IL2RG: variants seen among roughly 807,000 people sequenced by gnomAD.
IL2RG encodes the protein cytokine receptor common subunit gamma.
For synonymous variants in IL2RG, 111 were observed against 108.5 expected, an observed-to-expected ratio of 1.02 and a Z score of -0.15; for missense variants, 205 against 272.9, an observed-to-expected ratio of 0.75 and a Z score of 1.75.
intron 4 of IL2RG, 106 bp downstream of exon 4, chrX:71,110,050 G>A (rs1438370933): frequency 6.8e-5 from 58 of 850,172 alleles, no homozygotes; most frequent in Non-Finnish European, 9.9e-5. Context: ...GAAGCTGGGA[G>A]GCAGAGAACA....
At position 71,107,516 on chromosome X, in the gene IL2RG, G is replaced by T. The variant is rs992588214; in HGVS notation, c.*220C>A. ...GGAGGGAGGAAGAATCCTGCGAAAA[G>T]GAAGGGCCAGACTGAGGGAGAAGAA... is the stretch of plus-strand genomic sequence containing the variant. On this transcript the variant is annotated 3_prime_UTR_variant, in exon 8 of 8. Transcript: ENST00000374202. 9 of 304,351 alleles carry T rather than the reference G, an allele frequency of 3.0e-5. No individual in the cohort carries two copies. Among genetic ancestry groups the T allele is most frequent in the Non-Finnish European group, 4.6e-5 (8 of 172,744 alleles). 25.1% of individuals were successfully genotyped at this position (304,351 alleles called of 1,213,427 possible). A position where few individuals can be genotyped will look rare whatever the true frequency, so the allele number is the denominator to read the frequency against.
Position 71,110,309 on chromosome X carries a change from T to A in IL2RG, c.455-14A>T. 3 of 1,209,044 alleles carry A rather than the reference T, an allele frequency of 2.5e-6. No homozygotes were observed. Among genetic ancestry groups the A allele is most frequent in the Non-Finnish European group, 3.4e-6 (3 of 893,279 alleles). On this transcript the variant is annotated splice_polypyrimidine_tract_variant and intron_variant, in intron 3 of 7. Coordinates refer to ENST00000374202, the MANE Select transcript of IL2RG (RefSeq NM_000206.3). ...CCCAGGGGATCACTGGAGATATGTG[T>A]GCATATGTGGTCATTCCCCTGGCCT...
chrX:71,109,929 C>CAAA (rs369142790), intron 4 of IL2RG, among the ~76,000 whole-genome samples: 43 of 47,819 alleles, frequency 9.0e-4, no homozygotes, highest in African/African-American at 2.2e-3. Context: ...GGCTCTGTCT[C>CAAA]AAAAAAAAAA....
intron 1 of IL2RG, 45 bp downstream of exon 1, chrX:71,111,380 A>G (rs1371529033): frequency 2.5e-6 from 3 of 1,198,998 alleles, no homozygotes; most frequent in Non-Finnish European, 3.4e-6. Flanking sequence ...GCCCCTTCCC[A>G]CAGCCACCCT....
chrX:71,108,511 T>A, intron 6 of IL2RG, 88 bp downstream of exon 6: 2 of 742,399 alleles, frequency 2.7e-6, no homozygotes, highest in Non-Finnish European at 4.1e-6. Context: ...TACTGTCTCA[T>A]CCTTTACTCC....
At chrX:71,108,368 G>A (rs1602288321) in intron 6 of IL2RG, 22 bp from the exon 7 acceptor site, 25 of 1,088,008 alleles carry the variant, frequency 2.3e-5, no homozygotes, top group East Asian at 1.8e-4. Flanking sequence ...GAAAGAGGGA[G>A]CAGGAGCACA....
chrX:71,110,141 T>C lies in IL2RG; in HGVS notation c.594+15A>G, dbSNP rs761545792. 8.3e-7 allele frequency: 1 copy of C among 1,209,380 alleles called. No homozygotes were observed. On this transcript the variant is annotated intron_variant, in intron 4 of 7. Coordinates refer to ENST00000374202, the MANE Select transcript of IL2RG (RefSeq NM_000206.3). ...CTTGGCCTTAGCTGCTACATTCACGTCCCTAGTCACTCACAGTCCAGCTGT... is the reference window on the plus strand; with the variant it reads ...CTTGGCCTTAGCTGCTACATTCACGCCCCTAGTCACTCACAGTCCAGCTGT...
chrX:71,107,684 G>C lies in IL2RG; in HGVS notation c.*52C>G. The stretch of plus-strand genomic sequence containing the variant: ...AGGTGGGTTGAATGAAGGAAAGTTA[G>C]TACCACTTAGGGCTACAGGACCCTG... On this transcript the variant is annotated 3_prime_UTR_variant, in exon 8 of 8. Transcript: ENST00000374202. 2.0e-6 allele frequency: 2 copies of C among 982,274 alleles called. No individual in the cohort carries two copies. Among genetic ancestry groups the C allele is most frequent in the Non-Finnish European group, 2.7e-6 (2 of 738,168 alleles). The allele number at this position is 982,274 out of a possible 1,213,427, so 81.0% of individuals were successfully genotyped here. A position where few individuals can be genotyped will look rare whatever the true frequency, so the allele number is the denominator to read the frequency against.
At chrX:71,111,377 C>T in intron 1 of IL2RG, 48 bp downstream of exon 1, 1 of 1,198,336 alleles carries the variant, frequency 8.3e-7, no homozygotes, top group Non-Finnish European at 1.1e-6. Context: ...ACGGCCCCTT[C>T]CCACAGCCAC....
chrX:71,110,400 C>G, intron 3 of IL2RG, 104 bp downstream of exon 3: 1 of 1,094,409 alleles, frequency 9.1e-7, no homozygotes, highest in Non-Finnish European at 1.3e-6. Context: ...GATCCCCTAC[C>G]TCCTCTTTTC....
chrX:71,107,796 TG>T lies in IL2RG; in HGVS notation c.1049del (p.Pro350HisfsTer16). 1 of 1,182,090 alleles carries T rather than the reference TG, an allele frequency of 8.5e-7. No individual in the cohort carries two copies. ...CCCAGTAGGGGCTATGCTGGTTGCATGGGGAGGCCCCAGGCCCCTCCCCAAG... is the reference window on the plus strand; with the variant it reads ...CCCAGTAGGGGCTATGCTGGTTGCATGGGAGGCCCCAGGCCCCTCCCCAAG... ...GALGEGPGAS[P>X]CNQHSPYWAP... On this transcript the variant is annotated frameshift_variant, in exon 8 of 8. Coordinates refer to ENST00000374202, the MANE Select transcript of IL2RG (RefSeq NM_000206.3). LOFTEE classifies it high-confidence loss of function.
chrX:71,110,999 G>A lies in IL2RG; in HGVS notation c.167C>T (p.Pro56Leu), dbSNP rs774569887. Residue 56 changes from proline (P) to leucine (L), a missense_variant, in exon 2 of 8, where the codon CCC becomes CTC. Physicochemically the swap from Pro to Leu is moderately conservative, Grantham distance 98 (BLOSUM62 -3). Coordinates refer to ENST00000374202, the MANE Select transcript of IL2RG (RefSeq NM_000206.3). ...CACAAAACACTGAACCTCTGGGAGGGGCAGAGTGGAAACACTGAGGGAGTC... is the reference window on the plus strand; with the variant it reads ...CACAAAACACTGAACCTCTGGGAGGAGCAGAGTGGAAACACTGAGGGAGTC... The part of the protein sequence containing the change: ...PTDSLSVSTL[P>L]LPEVQCFVFN... The A allele has an allele frequency of 1.2e-5, 14 of 1,203,836 alleles. No homozygotes were observed. Among genetic ancestry groups the A allele is most frequent in the African/African-American group, 1.8e-5 (1 of 56,855 alleles).
Position 71,107,833 on chromosome X carries a change from T to C in IL2RG, c.1013A>G (p.Lys338Arg), listed in dbSNP as rs1387465417. Residue 338 changes from lysine to arginine, a missense_variant, in exon 8 of 8, where the codon AAA becomes AGA. Physicochemically the swap from Lys to Arg is conservative, Grantham distance 26. Coordinates refer to ENST00000374202, the MANE Select transcript of IL2RG (RefSeq NM_000206.3). The stretch of plus-strand genomic sequence containing the variant: ...AGGCCCCTCCCCAAGGGCCCCTCCT[T>C]TTGGGGGAATCTCACTGACGAGGCA... ...RLCLVSEIPPKGGALGEGPGA... is the reference protein window; with the variant it reads ...RLCLVSEIPPRGGALGEGPGA... 8.3e-7 allele frequency: 1 copy of C among 1,204,242 alleles called. No individual in the cohort carries two copies.
intron 4 of IL2RG, 128 bp downstream of exon 4, chrX:71,110,028 G>T (rs1395734209): frequency 9.2e-6 from 6 of 652,576 alleles, no homozygotes; most frequent in Non-Finnish European, 1.2e-5. Context: ...GGGAGGGTAG[G>T]GGGTGAGCAG....
intron 4 of IL2RG, among the ~76,000 whole-genome samples, chrX:71,109,691 T>C (rs1161267478): frequency 1.8e-5 from 2 of 110,847 alleles, no homozygotes; most frequent in Non-Finnish European, 3.8e-5. Context: ...TCCCAGCACT[T>C]TGGGAGGCCG....
rs7879765 is a variant in IL2RG at position 71,110,883 on chromosome X, G to A, written c.269+14C>T. 2.8e-5 allele frequency: 34 copies of A among 1,205,952 alleles called. No homozygotes were observed. The highest frequency in any genetic ancestry group is 2.3e-4 in the Middle Eastern group (1 of 4,351). On this transcript the variant is annotated intron_variant, in intron 2 of 7. Coordinates refer to ENST00000374202, the MANE Select transcript of IL2RG (RefSeq NM_000206.3). ...ACCTCTTCTTCATCCCCTCCCCCTC[G>A]TCCCTTCTCATACCAATAATGCAGA...
Position 71,107,523 on chromosome X carries a change from C to A in IL2RG, c.*213G>T. The stretch of plus-strand genomic sequence containing the variant: ...GGAAGAATCCTGCGAAAAGGAAGGG[C>A]CAGACTGAGGGAGAAGAAAAACATG... On this transcript the variant is annotated 3_prime_UTR_variant, in exon 8 of 8. Coordinates refer to ENST00000374202, the MANE Select transcript of IL2RG (RefSeq NM_000206.3). 6.4e-6 allele frequency: 2 copies of A among 314,180 alleles called. No individual in the cohort carries two copies. The highest frequency in any genetic ancestry group is 5.6e-6 in the Non-Finnish European group (1 of 177,793). 25.9% of individuals were successfully genotyped at this position (314,180 alleles called of 1,213,427 possible). A position where few individuals can be genotyped will look rare whatever the true frequency, so the allele number is the denominator to read the frequency against.
intron 4 of IL2RG, among the ~76,000 whole-genome samples, chrX:71,109,653 T>C (rs996596256): frequency 9.0e-6 from 1 of 110,869 alleles, no homozygotes; most frequent in African/African-American, 3.3e-5. Flanking sequence ...AACTCACTGG[T>C]GTCAGGAATG....
Position 71,110,650 on chromosome X carries a change from C to T in IL2RG, c.308G>A (p.Ser103Asn), listed in dbSNP as rs2092261574. 3 of 1,210,145 alleles carry T rather than the reference C, an allele frequency of 2.5e-6. No individual in the cohort carries two copies. The highest frequency in any genetic ancestry group is 1.1e-6 in the Non-Finnish European group (1 of 894,178). ...NSDNDKVQKC[S>N]HYLFSEEITS... ...GATTTCTTCAGAGAATAGATAGTGG[C>T]TGCACTTCTGGACTTTATCATTATC... is the stretch of plus-strand genomic sequence containing the variant. The change falls in exon 3 of 8, where the codon AGC becomes AAC. Residue 103 changes from serine (S) to asparagine (N), a missense_variant. Transcript: ENST00000374202.
Sources: gnomAD v4.1 joint callset for allele counts (sites outside exome capture counted in the v4.1 genomes callset) on GRCh38, gnomAD v4.1.1 for gene constraint, MANE v1.5 for transcripts, NCBI Gene and HGNC (gene_info 2026-07-23, HGNC 2026-07-21) for gene names.